The following PSMF1 variants were observed in gnomAD, a reference collection of about 807,000 sequenced individuals.
PSMF1 encodes proteasome inhibitor PI31 subunit.
PSMF1 carries 30 observed loss-of-function variants against 29.3 expected under a neutral mutation model. That is an observed-to-expected ratio of 1.02 (90% CI 0.77 to 1.39). The LOEUF (loss-of-function observed/expected upper bound fraction) is 1.39, where lower values mean the gene tolerates loss of function less well. Ranked by LOEUF, PSMF1 falls within the 40% of genes most tolerant of loss-of-function variation. The probability of loss-of-function intolerance (pLI) is 0.00; values close to 1 mark genes in which losing one functional copy is unlikely to be tolerated. For synonymous variants in PSMF1, 134 were observed against 139.7 expected, an observed-to-expected ratio of 0.96 and a Z score of 0.29; for missense variants, 344 against 357.5, an observed-to-expected ratio of 0.96 and a Z score of 0.31.
rs563130266 is a variant in PSMF1 at position 1,162,206 on chromosome 20, ACTTGT to A, written c.552-919_552-915del. Among the ~76,000 whole-genome samples, 9 of 152,266 alleles carry A rather than the reference ACTTGT, an allele frequency of 5.9e-5. No homozygotes were observed. The East Asian group carries it at 1.7e-3, about 29-fold the overall frequency. On this transcript the variant is annotated intron_variant, in intron 4 of 6. Transcript: ENST00000335877. Reference sequence around the variant, plus strand: ...TCCTGCCAGAACACCATGGGCTGTTACTTGTCTTGAGTTGGAAGCGGTTTGCATTT... The same window carrying A: ...TCCTGCCAGAACACCATGGGCTGTTACTTGAGTTGGAAGCGGTTTGCATTT...
chr20:1,140,344 A>T (rs185087085), intron 4 of PSMF1, among the ~76,000 whole-genome samples: 98 of 152,352 alleles, frequency 6.4e-4, no homozygotes, highest in African/African-American at 2.3e-3. Flanking sequence ...AAGACAATTT[A>T]GTAGAGAAAC....
At chr20:1,155,022 T>C (rs1019024443) in intron 4 of PSMF1, among the ~76,000 whole-genome samples, 20 of 152,182 alleles carry the variant, frequency 1.3e-4, no homozygotes, top group African/African-American at 4.8e-4. Context: ...ACAGAATGCA[T>C]AGAGTAAAGC....
chr20:1,160,678 C>G (rs2086655525), intron 4 of PSMF1: 1 of 499,416 alleles, frequency 2.0e-6, no homozygotes, highest in East Asian at 5.9e-5. Context: ...ACCATGTTTC[C>G]CTCCACTGTC....
chr20:1,131,293 C>G (rs1187362332), intron 3 of PSMF1, among the ~76,000 whole-genome samples: 1 of 152,174 alleles, frequency 6.6e-6, no homozygotes, highest in Non-Finnish European at 1.5e-5. Flanking sequence ...GAATTGTGAT[C>G]CTGTCTCTAT....
chr20:1,146,577 A>G (rs1038054154), intron 4 of PSMF1, among the ~76,000 whole-genome samples: 2 of 152,062 alleles, frequency 1.3e-5, no homozygotes, highest in African/African-American at 2.4e-5. Flanking sequence ...CAGGCAGAAG[A>G]TTGAGCTTGT....
chr20:1,144,748 T>C (rs902636024), intron 4 of PSMF1, among the ~76,000 whole-genome samples: 11 of 152,162 alleles, frequency 7.2e-5, no homozygotes, highest in African/African-American at 2.7e-4. Flanking sequence ...CTAAACAGAT[T>C]AGTGGTTGCC....
Position 1,167,531 on chromosome 20 carries a change from C to T in PSMF1, c.*2451C>T, listed in dbSNP as rs185907709. On this transcript the variant is annotated 3_prime_UTR_variant, in exon 7 of 7. Coordinates refer to ENST00000335877, the MANE Select transcript of PSMF1 (RefSeq NM_006814.5). ...GACTCCCCATTCCCTTGCTCCCAGCCCCAGGCAACCACTAACATCTGTCTC... is the reference window on the plus strand; with the variant it reads ...GACTCCCCATTCCCTTGCTCCCAGCTCCAGGCAACCACTAACATCTGTCTC... 1.1e-4 allele frequency: 16 copies of T among 152,252 alleles called. No individual in the cohort carries two copies. The highest frequency in any genetic ancestry group is 3.4e-3 in the Middle Eastern group (1 of 294). 9.4% of individuals were successfully genotyped at this position (152,252 alleles called of 1,614,324 possible). A position where few individuals can be genotyped will look rare whatever the true frequency, so the allele number is the denominator to read the frequency against.
At chr20:1,155,364 C>T (rs1300860745) in intron 4 of PSMF1, among the ~76,000 whole-genome samples, 1 of 152,242 alleles carries the variant, frequency 6.6e-6, no homozygotes, top group African/African-American at 2.4e-5. Flanking sequence ...GAAGAACCTT[C>T]CTTTCCAACA....
intron 3 of PSMF1, among the ~76,000 whole-genome samples, chr20:1,134,629 C>A (rs776090963): frequency 6.6e-6 from 1 of 152,124 alleles, no homozygotes; most frequent in Non-Finnish European, 1.5e-5. Context: ...CAGGATGGGA[C>A]AGGTGGTAGG....
rs2086706197 is a variant in PSMF1, at chr20:1,164,584, A to C, written c.764+108A>C. On this transcript the variant is annotated intron_variant, in intron 6 of 6. Coordinates refer to ENST00000335877, the MANE Select transcript of PSMF1 (RefSeq NM_006814.5). This position sits in a 1 kb window ranked among gnomAD's most constrained non-coding sequence, Gnocchi z 4.1. ...CAGGCACAGAGCTGCCGCTGCCTTC[A>C]CCTGTTGCTGCCAGGAGAGTGGAGC... 1 of 1,441,720 alleles carries C rather than the reference A, an allele frequency of 6.9e-7. No homozygotes were observed. The highest frequency in any genetic ancestry group is 9.5e-7 in the Non-Finnish European group (1 of 1,053,856). The allele number at this position is 1,441,720 out of a possible 1,614,324, so 89.3% of individuals were successfully genotyped here.
rs2086751714 is a variant in PSMF1 at position 1,167,997 on chromosome 20, C to T, written c.*2917C>T. The T allele has an allele frequency of 6.6e-6, 1 of 152,230 alleles. No individual in the cohort carries two copies. Among genetic ancestry groups the T allele is most frequent in the Non-Finnish European group, 1.5e-5 (1 of 68,044 alleles). 9.4% of individuals were successfully genotyped at this position (152,230 alleles called of 1,614,324 possible). On this transcript the variant is annotated 3_prime_UTR_variant, in exon 7 of 7. Coordinates refer to ENST00000335877, the MANE Select transcript of PSMF1 (RefSeq NM_006814.5). ...TCCAGTTTCCCCACATCTTCACCAA[C>T]TCTTGTTATTTTTCATGCTTATGGC...
chr20:1,160,466 G>T, intron 4 of PSMF1: 1 of 179,088 alleles, frequency 5.6e-6, no homozygotes, highest in Non-Finnish European at 1.2e-5. Context: ...TGAATACCTA[G>T]ACATAAAATT....
rs2086717075 is a variant in PSMF1 at position 1,165,404 on chromosome 20, CT to C, written c.*325del. 1.6e-6 allele frequency: 2 copies of C among 1,214,742 alleles called. No individual in the cohort carries two copies. The highest frequency in any genetic ancestry group is 2.1e-6 in the Non-Finnish European group (2 of 972,334). The allele number at this position is 1,214,742 out of a possible 1,614,324, so 75.2% of individuals were successfully genotyped here. ...CATATATCCTCGACCAGATGCAGTGCTATAAGAACAGAACGCATTTTGGATG... is the reference window on the plus strand; with the variant it reads ...CATATATCCTCGACCAGATGCAGTGCATAAGAACAGAACGCATTTTGGATG... On this transcript the variant is annotated 3_prime_UTR_variant, in exon 7 of 7. Transcript: ENST00000335877.
rs1014259381 is a variant in PSMF1 at position 1,167,889 on chromosome 20, A to G, written c.*2809A>G. ...AATTGCTGGTTCACATGGTAGCTCT[A>G]TATTCTACTTTGTGAGGAATTGTCA... On this transcript the variant is annotated 3_prime_UTR_variant, in exon 7 of 7. Transcript: ENST00000335877. 3 of 152,196 alleles carry G rather than the reference A, an allele frequency of 2.0e-5. No individual in the cohort carries two copies. The East Asian group carries it at 5.8e-4, about 29-fold the overall frequency. 9.4% of individuals were successfully genotyped at this position (152,196 alleles called of 1,614,324 possible). A position where few individuals can be genotyped will look rare whatever the true frequency, so the allele number is the denominator to read the frequency against.
At chr20:1,133,631 A>T (rs1287834059) in intron 3 of PSMF1, among the ~76,000 whole-genome samples, 9 of 135,674 alleles carry the variant, frequency 6.6e-5, no homozygotes, top group African/African-American at 2.4e-4. Context: ...TACTGGTCTC[A>T]TGAAATGGAT....
upstream of PSMF1, among the ~76,000 whole-genome samples, chr20:1,115,344 T>C (rs1375477513): frequency 1.3e-5 from 2 of 148,506 alleles, no homozygotes; most frequent in Non-Finnish European, 3.0e-5. Context: ...AAACCAGTGT[T>C]GAACCAAGGG....
chr20:1,133,555 G>GTGTGTGTATATATATATATATATATA (rs60728448), intron 3 of PSMF1, among the ~76,000 whole-genome samples: 2 of 53,976 alleles, frequency 3.7e-5, no homozygotes, highest in Non-Finnish European at 4.2e-5. Context: ...CTATATATGT[G>GTGTGTGTATATATATATATATATATA]TATATATATA....
chr20:1,157,548 GATAAAGGAGAAAGGAA>G (rs1174849816), intron 4 of PSMF1, among the ~76,000 whole-genome samples: 25 of 151,582 alleles, frequency 1.6e-4, no homozygotes, highest in African/African-American at 6.1e-4. Flanking sequence ...TATGTCACAT[GATAAAGGAGAAAGGAA>G]ATAAAATGAA....
intron 4 of PSMF1, among the ~76,000 whole-genome samples, chr20:1,156,910 C>G (rs949166454): frequency 6.6e-6 from 1 of 152,130 alleles, no homozygotes; most frequent in Non-Finnish European, 1.5e-5. Flanking sequence ...TATTAGTGTT[C>G]TCTTAGAGGG....
Sources: gnomAD v4.1 joint callset for allele counts (sites outside exome capture counted in the v4.1 genomes callset) on GRCh38, gnomAD v4.1.1 for gene constraint, Gnocchi (gnomAD v3.1) non-coding constraint, MANE v1.5 for transcripts, NCBI Gene and HGNC (gene_info 2026-07-23, HGNC 2026-07-21) for gene names.